GAGE1: variants seen among roughly 807,000 people sequenced by gnomAD.
The protein encoded by GAGE1 is G antigen 1.
A neutral mutation model predicts 5.0 loss-of-function variants in GAGE1; 5 were observed. That is an observed-to-expected ratio of 1.00 (90% CI 0.52 to 2.11). The LOEUF is 2.11. GAGE1 is among the 30% of genes most tolerant of loss of function. The pLI is 0.01. For synonymous variants in GAGE1, 6 were observed against 14.8 expected, an observed-to-expected ratio of 0.40 and a Z score of 1.37; for missense variants, 9 against 38.9, an observed-to-expected ratio of 0.23 and a Z score of 2.04.
rs972662249 is a variant in GAGE1, at chrX:49,608,309, G to A, written c.*2294G>A. Reference sequence around the variant, plus strand: ...ACCCAGCCAGCTGCATGTTTACCCAGCATGCTTGAACCCAAGCTGGAGCCT... The same window carrying A: ...ACCCAGCCAGCTGCATGTTTACCCAACATGCTTGAACCCAAGCTGGAGCCT... On this transcript the variant is annotated 3_prime_UTR_variant, in exon 5 of 5. Coordinates refer to ENST00000381700, the MANE Select transcript of GAGE1 (RefSeq NM_001040663.4). The A allele has an allele frequency of 7.2e-5, 8 of 111,525 alleles. No homozygotes were observed. The highest frequency in any genetic ancestry group is 2.6e-4 in the African/African-American group (8 of 30,707). 9.2% of individuals were successfully genotyped at this position (111,525 alleles called of 1,213,427 possible). A position where few individuals can be genotyped will look rare whatever the true frequency, so the allele number is the denominator to read the frequency against.
intron 4 of GAGE1, among the ~76,000 whole-genome samples, chrX:49,604,174 A>T (rs1313763952): frequency 8.9e-6 from 1 of 112,611 alleles, no homozygotes; most frequent in Non-Finnish European, 1.9e-5. Context: ...TTTTAGTAAG[A>T]GAGAGTTAAC....
Position 49,606,017 on chromosome X carries a change from A to G in GAGE1, c.*2A>G, listed in dbSNP as rs1254131848. The G allele has an allele frequency of 9.3e-7, 1 of 1,070,853 alleles. No individual in the cohort carries two copies. Among genetic ancestry groups the G allele is most frequent in the Non-Finnish European group, 1.2e-6 (1 of 819,919 alleles). 88.3% of individuals were successfully genotyped at this position (1,070,853 alleles called of 1,213,427 possible). A position where few individuals can be genotyped will look rare whatever the true frequency, so the allele number is the denominator to read the frequency against. ...GGTGAAGGGCAATCACAGTGTTAAA[A>G]GAAGACATGCTGAAATGTTGCAGGC... On this transcript the variant is annotated 3_prime_UTR_variant, in exon 5 of 5. Transcript: ENST00000381700.
chrX:49,601,864 A>G (rs2066610937), intron 3 of GAGE1, among the ~76,000 whole-genome samples: 1 of 80,278 alleles, frequency 1.2e-5, no homozygotes, highest in Non-Finnish European at 2.3e-5. Context: ...CAGCTAATCA[A>G]TCCTTCAGAA....
At position 49,607,450 on chromosome X, in the gene GAGE1, C is replaced by A. The variant is rs1433595554; in HGVS notation, c.*1435C>A. The A allele has an allele frequency of 7.2e-5, 8 of 111,551 alleles. No individual in the cohort carries two copies. In the East Asian group the frequency reaches 2.2e-3, roughly 31 times the overall value. The allele number at this position is 111,551 out of a possible 1,213,427, so 9.2% of individuals were successfully genotyped here. ...TAAAACGGGTTGGTATGTAAAACCT[C>A]TTTTTCCATTCACTGGAACTCAAGT... On this transcript the variant is annotated 3_prime_UTR_variant, in exon 5 of 5. Transcript: ENST00000381700.
chrX:49,608,193 T>C lies in GAGE1; in HGVS notation c.*2178T>C, dbSNP rs781988549. The C allele has an allele frequency of 8.9e-6, 1 of 111,907 alleles. No individual in the cohort carries two copies. Among genetic ancestry groups the C allele is most frequent in the African/African-American group, 3.2e-5 (1 of 30,846 alleles). The allele number at this position is 111,907 out of a possible 1,213,427, so 9.2% of individuals were successfully genotyped here. On this transcript the variant is annotated 3_prime_UTR_variant, in exon 5 of 5. Transcript: ENST00000381700. ...TCTACCAAAATGTGGCACACAAACC[T>C]TGCATGGTGTCTCTAGGGCCTCCTA...
At chrX:49,605,869 C>G (rs1231938285) in intron 4 of GAGE1, 124 bp from the exon 5 acceptor site, 1 of 402,380 alleles carries the variant, frequency 2.5e-6, no homozygotes, top group South Asian at 1.0e-4. Context: ...GATTGCTCCA[C>G]TGTACTCCAG....
At chrX:49,605,299 TCAGCTTTAGAGA>T (rs1313514001) in intron 4 of GAGE1, among the ~76,000 whole-genome samples, 2 of 112,182 alleles carry the variant, frequency 1.8e-5, no homozygotes, top group Non-Finnish European at 3.8e-5. Flanking sequence ...CATGTAAATT[TCAGCTTTAGAGA>T]CATGAATTGA....
intron 3 of GAGE1, among the ~76,000 whole-genome samples, chrX:49,602,709 T>G (rs1188029012): frequency 1.1e-5 from 1 of 91,042 alleles, no homozygotes; most frequent in Non-Finnish European, 2.4e-5. Context: ...ATTTCTTGGA[T>G]CATCACTGCA....
Position 49,605,053 on chromosome X carries a change from T to C in GAGE1, c.332-940T>C, listed in dbSNP as rs1333778259. ...GGATTCTCTGGCTTTTAATGAACAATTGCTTCTTAAATCTTTCCCCACGGA... is the reference window on the plus strand; with the variant it reads ...GGATTCTCTGGCTTTTAATGAACAACTGCTTCTTAAATCTTTCCCCACGGA... On this transcript the variant is annotated intron_variant, in intron 4 of 4. Coordinates refer to ENST00000381700, the MANE Select transcript of GAGE1 (RefSeq NM_001040663.4). The C allele has an allele frequency of 2.9e-6, 3 of 1,021,241 alleles. No individual in the cohort carries two copies. In the African/African-American group the frequency reaches 5.8e-5, roughly 20 times the overall value. The allele number at this position is 1,021,241 out of a possible 1,213,427, so 84.2% of individuals were successfully genotyped here.
At chrX:49,604,951 G>T (rs74617860) in intron 4 of GAGE1, 4 of 615,490 alleles carry the variant, frequency 6.5e-6, no homozygotes, top group Non-Finnish European at 9.4e-6. Flanking sequence ...GGAACTACAT[G>T]CACAAGCCAA....
At chrX:49,605,820 A>T (rs1351616080) in intron 4 of GAGE1, among the ~76,000 whole-genome samples, 173 bp from the exon 5 acceptor site, 9 of 109,119 alleles carry the variant, frequency 8.2e-5, no homozygotes, top group Non-Finnish European at 1.5e-4. Flanking sequence ...GAGGTAGGAG[A>T]ATCGCTTGAA....
rs782000991 is a variant in GAGE1 at position 49,602,573 on chromosome X, C to A, written c.206-1095C>A. ...CTGCCCACACACTCACACACACACA[C>A]ACACACACATACGGATATATGTTTA... On this transcript the variant is annotated intron_variant, in intron 3 of 4. Coordinates refer to ENST00000381700, the MANE Select transcript of GAGE1 (RefSeq NM_001040663.4). 1.5e-4 allele frequency among the ~76,000 whole-genome samples: 10 copies of A among 67,377 alleles called. No homozygotes were observed. The South Asian group carries it at 4.1e-3, about 27-fold the overall frequency. The allele number at this position is 67,377 out of a possible 115,157, so 58.5% of individuals were successfully genotyped here.
rs2066657991 is a variant in GAGE1, at chrX:49,606,082, A to G, written c.*67A>G. ...AAAATTCTTCATTGAAGTTCTCCCA[A>G]TAAAGCTTTACAGCCTTCTGCAAAG... On this transcript the variant is annotated 3_prime_UTR_variant, in exon 5 of 5. Transcript: ENST00000381700. 3.3e-5 allele frequency: 25 copies of G among 761,591 alleles called. No individual in the cohort carries two copies. The highest frequency in any genetic ancestry group is 8.7e-5 in the South Asian group (2 of 22,924). 62.8% of individuals were successfully genotyped at this position (761,591 alleles called of 1,213,427 possible).
At chrX:49,605,950 TC>T (rs1276813612) in intron 4 of GAGE1, 42 bp from the exon 5 acceptor site, 4 of 833,227 alleles carry the variant, frequency 4.8e-6, no homozygotes, top group Non-Finnish European at 6.4e-6. Context: ...ATAATAATAA[TC>T]TGTTGCTCTG....
At chrX:49,602,278 G>T (rs1451061120) in intron 3 of GAGE1, among the ~76,000 whole-genome samples, 7 of 110,246 alleles carry the variant, frequency 6.3e-5, no homozygotes, top group African/African-American at 2.3e-4. Flanking sequence ...TAACTCCTTA[G>T]TGAACTGTAC....
chrX:49,605,788 G>C (rs1473510095), intron 4 of GAGE1, among the ~76,000 whole-genome samples: 2 of 109,793 alleles, frequency 1.8e-5, no homozygotes, highest in Non-Finnish European at 3.8e-5. Context: ...ACGCGCCTGT[G>C]GTCCCAGCTA....
chrX:49,602,725 A>T (rs5906832), intron 3 of GAGE1, among the ~76,000 whole-genome samples: 3 of 89,558 alleles, frequency 3.3e-5, no homozygotes, highest in Admixed American at 1.2e-4. Flanking sequence ...CTGCACAAAG[A>T]TCAAAATCAG....
At chrX:49,605,170 A>T (rs2066648182) in intron 4 of GAGE1, 1 of 981,349 alleles carries the variant, frequency 1.0e-6, no homozygotes, top group Admixed American at 2.6e-5. Flanking sequence ...CATGGGTGTG[A>T]GTAAGATGCC....
chrX:49,604,152 C>T (rs1160953813), intron 4 of GAGE1, among the ~76,000 whole-genome samples: 7 of 112,526 alleles, frequency 6.2e-5, no homozygotes, highest in Non-Finnish European at 1.3e-4. Flanking sequence ...TGTGCCAGAC[C>T]CAGCATTATA....
Sources: allele counts gnomAD v4.1 joint callset (sites outside exome capture counted in the v4.1 genomes callset), GRCh38; gene constraint gnomAD v4.1.1; transcripts MANE v1.5; gene names NCBI Gene and HGNC (gene_info 2026-07-23, HGNC 2026-07-21).